The following CLSTN2 variants were observed in gnomAD, a reference collection of about 807,000 sequenced individuals.
CLSTN2 encodes the protein calsyntenin-2.
Under a neutral mutation model 101.2 loss-of-function variants are expected in CLSTN2, and 48 were observed. That is an observed-to-expected ratio of 0.47 (90% CI 0.38 to 0.60). The LOEUF is 0.60. Among genes scored for constraint, CLSTN2 ranks in the 20% least tolerant of loss-of-function variants. The probability of loss-of-function intolerance (pLI) is 0.00; values close to 1 mark genes in which losing one functional copy is unlikely to be tolerated. For missense variants in CLSTN2, 1,160 were observed against 1,238.2 expected (o/e 0.94, Z 0.95); for synonymous variants, 481 against 463.6 (o/e 1.04, Z -0.48).
chr3:140,536,374 C>G (rs560770545), intron 9 of CLSTN2, among the ~76,000 whole-genome samples: 5 of 152,208 alleles, frequency 3.3e-5, no homozygotes, highest in African/African-American at 1.2e-4. Context: ...TTCTCTGAGC[C>G]TCTCATCTAA....
intron 2 of CLSTN2, among the ~76,000 whole-genome samples, chr3:140,219,943 T>G (rs1298472690): frequency 6.6e-6 from 1 of 152,162 alleles, no homozygotes; most frequent in Admixed American, 6.5e-5. Flanking sequence ...TCATTCCATA[T>G]CACTTCAACC....
At chr3:140,428,786 T>C (rs1050064767) in intron 5 of CLSTN2, among the ~76,000 whole-genome samples, 1 of 152,220 alleles carries the variant, frequency 6.6e-6, no homozygotes, top group Non-Finnish European at 1.5e-5. Flanking sequence ...CTTCGGGTTT[T>C]GAATAATTCT....
intron 2 of CLSTN2, among the ~76,000 whole-genome samples, chr3:140,385,308 A>C (rs1186255147): frequency 6.6e-6 from 1 of 151,332 alleles, no homozygotes; most frequent in South Asian, 2.1e-4. Context: ...ATGATGGCTC[A>C]AAAGATTAGA....
At chr3:140,104,743 G>C (rs111538994) in intron 1 of CLSTN2, among the ~76,000 whole-genome samples, 1 of 152,210 alleles carries the variant, frequency 6.6e-6, no homozygotes, top group Non-Finnish European at 1.5e-5. Flanking sequence ...GGAGGCCAAG[G>C]CGGGCAGATC....
chr3:140,463,639 A>G (rs16850323), intron 7 of CLSTN2, among the ~76,000 whole-genome samples: 48,156 of 152,114 alleles, frequency 0.32, 8,024 homozygotes, highest in African/African-American at 0.4. Flanking sequence ...TTTAGGGTAC[A>G]TGAAAGCTTG....
intron 2 of CLSTN2, among the ~76,000 whole-genome samples, chr3:140,185,858 G>C (rs1231485559): frequency 1.3e-5 from 2 of 152,180 alleles, no homozygotes; most frequent in Non-Finnish European, 2.9e-5. Flanking sequence ...TGAAGGGAAT[G>C]ATAGCCTCAG....
At chr3:140,561,793 A>G (rs1935920424) in intron 12 of CLSTN2, among the ~76,000 whole-genome samples, 1 of 152,134 alleles carries the variant, frequency 6.6e-6, no homozygotes, top group Admixed American at 6.5e-5. Flanking sequence ...ACTGTTTTCA[A>G]CCATCCCAAG....
intron 2 of CLSTN2, among the ~76,000 whole-genome samples, chr3:140,386,512 C>T (rs2088052876): frequency 1.3e-5 from 2 of 152,202 alleles, no homozygotes; most frequent in Admixed American, 1.3e-4. Context: ...AGCTTTCTCA[C>T]ACTGTCCGCC....
At chr3:140,050,448 T>C (rs2007969939) in intron 1 of CLSTN2, among the ~76,000 whole-genome samples, 1 of 152,166 alleles carries the variant, frequency 6.6e-6, no homozygotes, top group African/African-American at 2.4e-5. Flanking sequence ...TATTCAGGGC[T>C]AGCATCATGG....
At chr3:140,340,819 C>T (rs2087484693) in intron 2 of CLSTN2, among the ~76,000 whole-genome samples, 1 of 152,170 alleles carries the variant, frequency 6.6e-6, no homozygotes. Context: ...CTCCTGTTGG[C>T]AGTGATAATT....
At chr3:140,366,254 T>C (rs1387206510) in intron 2 of CLSTN2, among the ~76,000 whole-genome samples, 2 of 152,208 alleles carry the variant, frequency 1.3e-5, no homozygotes, top group Non-Finnish European at 2.9e-5. Flanking sequence ...GAAACCTTGC[T>C]GTGTAAATGG....
intron 2 of CLSTN2, among the ~76,000 whole-genome samples, chr3:140,221,303 C>T (rs551595381): frequency 1.4e-4 from 21 of 152,150 alleles, no homozygotes; most frequent in African/African-American, 4.1e-4. Flanking sequence ...TTAATGTGAA[C>T]GTGTCTATGT....
chr3:139,993,662 T>G (rs931583585), intron 1 of CLSTN2, among the ~76,000 whole-genome samples: 2 of 152,202 alleles, frequency 1.3e-5, no homozygotes. Context: ...CTGGATGTTG[T>G]TCTGATGACT....
intron 1 of CLSTN2, among the ~76,000 whole-genome samples, chr3:140,154,934 A>G (rs2009929261): frequency 6.6e-6 from 1 of 151,992 alleles, no homozygotes; most frequent in African/African-American, 2.4e-5. Flanking sequence ...ATCATATCTC[A>G]TGAGAACTCA....
At chr3:140,347,559 G>T (rs2087561619) in intron 2 of CLSTN2, among the ~76,000 whole-genome samples, 1 of 152,218 alleles carries the variant, frequency 6.6e-6, no homozygotes, top group Non-Finnish European at 1.5e-5. Flanking sequence ...GCTCTGCATA[G>T]ATAAGGCCTC....
intron 5 of CLSTN2, among the ~76,000 whole-genome samples, chr3:140,443,486 T>C (rs1933004951): frequency 6.6e-6 from 1 of 152,210 alleles, no homozygotes. Context: ...AAAATCATCA[T>C]CTTTCTAAGT....
intron 8 of CLSTN2, among the ~76,000 whole-genome samples, chr3:140,515,963 C>T (rs567612829): frequency 6.7e-6 from 1 of 150,320 alleles, no homozygotes; most frequent in African/African-American, 2.5e-5. Flanking sequence ...TATTGTATTG[C>T]TGTCTATCTC....
chr3:140,337,913 G>A (rs900885343), intron 2 of CLSTN2, among the ~76,000 whole-genome samples: 1 of 152,204 alleles, frequency 6.6e-6, no homozygotes, highest in African/African-American at 2.4e-5. Context: ...ACATGGGGCA[G>A]AGACTAGCAT....
chr3:140,458,381 C>A (rs1329083770), intron 6 of CLSTN2, among the ~76,000 whole-genome samples: 1 of 152,088 alleles, frequency 6.6e-6, no homozygotes, highest in Non-Finnish European at 1.5e-5. Flanking sequence ...TCAGGTCACA[C>A]TTTAGACTCC....
Sources: allele counts gnomAD v4.1 joint callset (sites outside exome capture counted in the v4.1 genomes callset), GRCh38; gene constraint gnomAD v4.1.1; transcripts MANE v1.5; gene names NCBI Gene and HGNC (gene_info 2026-07-23, HGNC 2026-07-21).